Variants in PPP3CC observed in about 807,000 individuals in gnomAD.
PPP3CC encodes the protein serine/threonine-protein phosphatase 2B catalytic subunit gamma isoform.
PPP3CC carries 35 observed loss-of-function variants against 60.3 expected under a neutral mutation model. The ratio of observed to expected loss-of-function variants is 0.58; its 90% confidence interval spans 0.44 to 0.77. PPP3CC has a LOEUF of 0.77. Among genes scored for constraint, PPP3CC ranks in the 30% least tolerant of loss-of-function variants. PPP3CC has a pLI of 0.00. For synonymous variants in PPP3CC, 206 were observed against 224.3 expected (o/e 0.92, Z 0.73); for missense variants, 570 against 628.9 (o/e 0.91, Z 1.00).
chr8:22,458,856 A>G (rs1370784943), intron 1 of PPP3CC, among the ~76,000 whole-genome samples: 1 of 152,090 alleles, frequency 6.6e-6, no homozygotes, highest in African/African-American at 2.4e-5. Context: ...TTTTATACAC[A>G]GTCTTTCCTA....
At chr8:22,512,375 C>G (rs1315400836) in intron 5 of PPP3CC, among the ~76,000 whole-genome samples, 1 of 152,162 alleles carries the variant, frequency 6.6e-6, no homozygotes, top group African/African-American at 2.4e-5. Flanking sequence ...AGTAGAAATT[C>G]TCTTCTTGGC....
intron 1 of PPP3CC, among the ~76,000 whole-genome samples, chr8:22,444,083 A>C (rs1214346856): frequency 6.6e-6 from 1 of 152,162 alleles, no homozygotes; most frequent in Admixed American, 6.5e-5. Flanking sequence ...TCCTTTAAAT[A>C]GCAGCTTTCT....
chr8:22,528,520 G>A lies in PPP3CC; in HGVS notation c.1084G>A (p.Val362Ile), dbSNP rs1184347581. The A allele has an allele frequency of 6.5e-7, 1 of 1,549,080 alleles. No homozygotes were observed. Among genetic ancestry groups the A allele is most frequent in the Non-Finnish European group, 8.8e-7 (1 of 1,142,124 alleles). Reference protein sequence around the residue: ...FVGEKVTEMLVNVLNICSDDE... With the variant: ...FVGEKVTEMLINVLNICSDDE... ...GTCTTACTTAGTCACAGAGATGCTGGTAAATGTGCTCAACATATGCTCTGA... is the reference window on the plus strand; with the variant it reads ...GTCTTACTTAGTCACAGAGATGCTGATAAATGTGCTCAACATATGCTCTGA... Residue 362 changes from valine (V) to isoleucine (I), a missense_variant, in exon 10 of 14, where the codon GTA becomes ATA. Val to Ile is a conservative substitution (Grantham distance 29, BLOSUM62 3). Coordinates refer to ENST00000240139, the MANE Select transcript of PPP3CC (RefSeq NM_005605.5).
At chr8:22,513,217 T>C in intron 5 of PPP3CC, 76 bp from the exon 6 acceptor site, 1 of 1,441,692 alleles carries the variant, frequency 6.9e-7, no homozygotes, top group Non-Finnish European at 9.3e-7. Flanking sequence ...AAGGGGTTTT[T>C]CTTTGACACA....
chr8:22,443,295 G>A (rs543102263), intron 1 of PPP3CC, among the ~76,000 whole-genome samples: 10 of 152,276 alleles, frequency 6.6e-5, no homozygotes, highest in African/African-American at 2.4e-4. Flanking sequence ...GGCCCATATA[G>A]GCAGATCACT....
chr8:22,442,917 T>C (rs1836715931), intron 1 of PPP3CC, among the ~76,000 whole-genome samples: 1 of 152,214 alleles, frequency 6.6e-6, no homozygotes, highest in South Asian at 2.1e-4. Context: ...AGTGTTTTGT[T>C]TGCTTTTAGT....
intron 3 of PPP3CC, among the ~76,000 whole-genome samples, chr8:22,483,800 A>G (rs979340584): frequency 3.9e-5 from 6 of 152,080 alleles, no homozygotes; most frequent in African/African-American, 1.4e-4. Context: ...AAATTATTCT[A>G]TTTCTCAATA....
At chr8:22,474,488 G>C (rs1837827377) in intron 1 of PPP3CC, among the ~76,000 whole-genome samples, 3 of 152,040 alleles carry the variant, frequency 2.0e-5, no homozygotes, top group Non-Finnish European at 4.4e-5. Flanking sequence ...TGGATCACCT[G>C]AGGTCAGGAG....
chr8:22,485,157 A>G (rs1469896097), intron 3 of PPP3CC, among the ~76,000 whole-genome samples: 1 of 152,192 alleles, frequency 6.6e-6, no homozygotes, highest in Non-Finnish European at 1.5e-5. Context: ...GAATTTTGAG[A>G]GCCCATTTTA....
intron 2 of PPP3CC, 61 bp from the exon 3 acceptor site, chr8:22,475,439 T>C (rs1351458672): frequency 6.6e-7 from 1 of 1,518,402 alleles, no homozygotes; most frequent in Non-Finnish European, 8.9e-7. Flanking sequence ...TCCCTTTTGG[T>C]GTAATGCCCT....
Position 22,528,496 on chromosome 8 carries a change from TCTTA to T in PPP3CC, c.1070-5_1070-2del, listed in dbSNP as rs755403570. 1.3e-4 allele frequency: 193 copies of T among 1,512,556 alleles called. No individual in the cohort carries two copies. Among genetic ancestry groups the T allele is most frequent in the Middle Eastern group, 6.9e-4 (4 of 5,756 alleles). 93.7% of individuals were successfully genotyped at this position (1,512,556 alleles called of 1,614,324 possible). On this transcript the variant is annotated splice_polypyrimidine_tract_variant and splice_region_variant and intron_variant, in intron 9 of 13. Coordinates refer to ENST00000240139, the MANE Select transcript of PPP3CC (RefSeq NM_005605.5). ...ATCGCGTAAATTTTGGATTATTTTG[TCTTA>T]CTTAGTCACAGAGATGCTGGTAAAT...
intron 6 of PPP3CC, among the ~76,000 whole-genome samples, chr8:22,517,455 G>T (rs1839282218): frequency 6.6e-6 from 1 of 151,854 alleles, no homozygotes; most frequent in African/African-American, 2.4e-5. Context: ...TTTTTTTAAT[G>T]ATTAATAGAA....
At chr8:22,467,028 G>T (rs1837541937) in intron 1 of PPP3CC, among the ~76,000 whole-genome samples, 1 of 152,170 alleles carries the variant, frequency 6.6e-6, no homozygotes, top group South Asian at 2.1e-4. Context: ...TTACAGGAGT[G>T]AGTCACCATG....
chr8:22,530,888 C>G (rs959837741), intron 10 of PPP3CC, among the ~76,000 whole-genome samples: 1 of 142,658 alleles, frequency 7.0e-6, no homozygotes, highest in Non-Finnish European at 1.5e-5. Flanking sequence ...GAAAGAGAAG[C>G]TATAGAATCC....
rs142667722 is a variant in PPP3CC, at chr8:22,534,314, T to A, written c.1321+1296T>A. 6.3e-3 allele frequency among the ~76,000 whole-genome samples: 961 copies of A among 151,822 alleles called. 5 individuals carry two copies. The highest frequency in any genetic ancestry group is 8.4e-3 in the Non-Finnish European group (568 of 67,924). On this transcript the variant is annotated intron_variant, in intron 12 of 13. Transcript: ENST00000240139. ...ACTTACACCTGTTATCCCAGCACTTTGGGAGGCTGAGGTGGGAGGATCACT... is the reference window on the plus strand; with the variant it reads ...ACTTACACCTGTTATCCCAGCACTTAGGGAGGCTGAGGTGGGAGGATCACT...
At chr8:22,524,936 C>G (rs1839499273) in intron 8 of PPP3CC, among the ~76,000 whole-genome samples, 1 of 152,042 alleles carries the variant, frequency 6.6e-6, no homozygotes, top group Non-Finnish European at 1.5e-5. Flanking sequence ...TCACTTGAGG[C>G]CTAGAATTCA....
intron 3 of PPP3CC, among the ~76,000 whole-genome samples, chr8:22,496,483 A>ATTTTTTTTTTTT (rs1563741124): frequency 2.6e-5 from 2 of 77,054 alleles, no homozygotes; most frequent in African/African-American, 4.8e-5. Flanking sequence ...GAGAACTGTA[A>ATTTTTTTTTTTT]TCTTTTTTTT....
In PPP3CC at chr8:22,513,296, G is replaced by A. The variant is rs908862200; in HGVS notation, c.634G>A (p.Asp212Asn). The A allele has an allele frequency of 1.5e-5, 24 of 1,609,728 alleles. No homozygotes were observed. Among genetic ancestry groups the A allele is most frequent in the Non-Finnish European group, 2.0e-5 (24 of 1,178,768 alleles). Residue 212 changes from aspartate to asparagine, a missense_variant, in exon 6 of 14, where the codon GAC becomes AAC. By Grantham distance (23) the Asp-to-Asn change is conservative (BLOSUM62 1). Coordinates refer to ENST00000240139, the MANE Select transcript of PPP3CC (RefSeq NM_005605.5). ...TTGGCTTTTGTGTGTCTTCTAGTTAGACAGGTTTACGGAACCTCCCGCCTT... is the reference window on the plus strand; with the variant it reads ...TTGGCTTTTGTGTGTCTTCTAGTTAAACAGGTTTACGGAACCTCCCGCCTT... ...ITSLDDIRKL[D>N]RFTEPPAFGP...
At chr8:22,492,758 T>G (rs1040815317) in intron 3 of PPP3CC, 2 of 1,018,546 alleles carry the variant, frequency 2.0e-6, no homozygotes, top group Non-Finnish European at 3.1e-6. Context: ...TCAGTTCTCC[T>G]TAAAGAAGTT....
Sources: gnomAD v4.1 joint callset for allele counts (sites outside exome capture counted in the v4.1 genomes callset) on GRCh38, gnomAD v4.1.1 for gene constraint, MANE v1.5 for transcripts, NCBI Gene and HGNC (gene_info 2026-07-23, HGNC 2026-07-21) for gene names.